Variants in CAMKMT observed in about 807,000 individuals in gnomAD.
CAMKMT encodes the protein CaM KMT.
Under a neutral mutation model 48.0 loss-of-function variants are expected in CAMKMT, and 53 were observed. The ratio of observed to expected loss-of-function variants is 1.10; its 90% CI spans 0.89 to 1.39. The LOEUF is 1.39. Among genes scored for constraint, CAMKMT ranks in the 40% most tolerant of loss-of-function variants. CAMKMT has a pLI of 0.00. For missense variants in CAMKMT, 428 were observed against 402.7 expected, an observed-to-expected ratio of 1.06 and a Z score of -0.54; for synonymous variants, 165 against 152.3, an observed-to-expected ratio of 1.08 and a Z score of -0.61.
chr2:44,426,791 A>T (rs556437327), intron 3 of CAMKMT, among the ~76,000 whole-genome samples: 26 of 152,338 alleles, frequency 1.7e-4, no homozygotes, highest in African/African-American at 6.3e-4. Flanking sequence ...TGAAATTACC[A>T]ATGTCACTTT....
At chr2:44,757,286 A>C (rs888995148) in intron 9 of CAMKMT, among the ~76,000 whole-genome samples, 1 of 152,202 alleles carries the variant, frequency 6.6e-6, no homozygotes, top group African/African-American at 2.4e-5. Context: ...TTATCCCCAA[A>C]GAGGGAAAAT....
intron 7 of CAMKMT, among the ~76,000 whole-genome samples, chr2:44,741,548 G>T (rs1679676912): frequency 6.6e-6 from 1 of 152,232 alleles, no homozygotes; most frequent in South Asian, 2.1e-4. Context: ...CTACTAAGGG[G>T]AGGAGCCAAG....
Position 44,490,092 on chromosome 2 carries a change from A to G in CAMKMT, c.376+99787A>G, listed in dbSNP as rs542476580. ...GCAACATCCAGTTATAGTATTATAT[A>G]TATTTTTAATGCAGACAGATGCAAA... On this transcript the variant is annotated intron_variant, in intron 3 of 10. Transcript: ENST00000378494. 8.7e-4 allele frequency among the ~76,000 whole-genome samples: 132 copies of G among 152,344 alleles called. 1 individual carries two copies. Among genetic ancestry groups the G allele is most frequent in the African/African-American group, 3.1e-3 (130 of 41,574 alleles).
intron 3 of CAMKMT, among the ~76,000 whole-genome samples, chr2:44,527,428 A>T (rs907487571): frequency 3.7e-4 from 21 of 56,246 alleles, no homozygotes; most frequent in African/African-American, 1.4e-3. Context: ...ATATATATAT[A>T]TATTTTTTTT....
chr2:44,558,034 TATTCATTCATTCATTCATTCATTC>T (rs60843994), intron 3 of CAMKMT, among the ~76,000 whole-genome samples: 2 of 143,888 alleles, frequency 1.4e-5, no homozygotes, highest in Admixed American at 6.8e-5. Context: ...TTTATTTATT[TATTCATTCATTCATTCATTCATTC>T]ATTCATTCAT....
intron 3 of CAMKMT, among the ~76,000 whole-genome samples, chr2:44,589,211 G>T (rs1241314296): frequency 2.1e-5 from 1 of 47,440 alleles, no homozygotes; most frequent in African/African-American, 8.6e-5. Flanking sequence ...CCCCTACTGG[G>T]AAGTGAGGAG....
intron 2 of CAMKMT, among the ~76,000 whole-genome samples, chr2:44,380,402 C>G (rs1680121823): frequency 6.6e-6 from 1 of 151,998 alleles, no homozygotes; most frequent in African/African-American, 2.4e-5. Flanking sequence ...AATGCTAAGA[C>G]TGAAGTTTTT....
intron 3 of CAMKMT, among the ~76,000 whole-genome samples, chr2:44,701,729 G>T (rs1417710258): frequency 6.6e-6 from 1 of 152,124 alleles, no homozygotes; most frequent in African/African-American, 2.4e-5. Context: ...CTGGTTAAAT[G>T]AATTCTGATT....
chr2:44,651,955 AT>A (rs1350201914), intron 3 of CAMKMT, among the ~76,000 whole-genome samples: 2 of 152,340 alleles, frequency 1.3e-5, no homozygotes, highest in East Asian at 3.9e-4. Flanking sequence ...CTATAGTGGG[AT>A]TATTCTAATG....
In CAMKMT at chr2:44,686,640, A is replaced by G. The variant is rs144277470; in HGVS notation, c.377-17643A>G. On this transcript the variant is annotated intron_variant, in intron 3 of 10. Coordinates refer to ENST00000378494, the MANE Select transcript of CAMKMT (RefSeq NM_024766.5). ...ACCATGTATATGGGCTTTGCCATGA[A>G]CACGTTTGAATAAGAAAGCCCTCAG... Among the ~76,000 whole-genome samples, 573 of 152,340 alleles carry G rather than the reference A, an allele frequency of 3.8e-3. 5 individuals carry two copies. Among genetic ancestry groups the G allele is most frequent in the East Asian group, 0.021 (111 of 5,186 alleles).
intron 3 of CAMKMT, among the ~76,000 whole-genome samples, chr2:44,556,203 A>G (rs1042125418): frequency 2.6e-5 from 4 of 152,030 alleles, no homozygotes; most frequent in South Asian, 2.1e-4. Context: ...CAGTGGCGCC[A>G]TCTCAGCTCA....
intron 3 of CAMKMT, among the ~76,000 whole-genome samples, chr2:44,585,776 A>G (rs1453612656): frequency 2.0e-5 from 3 of 152,264 alleles, no homozygotes; most frequent in Non-Finnish European, 4.4e-5. Context: ...CAGCTAGGCC[A>G]TAAATAAGAC....
intron 3 of CAMKMT, among the ~76,000 whole-genome samples, chr2:44,582,957 A>G (rs1054683160): frequency 1.3e-5 from 2 of 152,324 alleles, no homozygotes; most frequent in African/African-American, 4.8e-5. Flanking sequence ...TGAAATACAT[A>G]CTATCAGCAT....
chr2:44,563,334 T>C (rs920932273), intron 3 of CAMKMT, among the ~76,000 whole-genome samples: 2 of 151,752 alleles, frequency 1.3e-5, no homozygotes, highest in African/African-American at 4.8e-5. Context: ...ATTTTCAGTG[T>C]GATTAAATTT....
chr2:44,456,387 A>C (rs1558629800), intron 3 of CAMKMT, among the ~76,000 whole-genome samples: 1 of 152,174 alleles, frequency 6.6e-6, no homozygotes, highest in African/African-American at 2.4e-5. Context: ...GTGACATTTA[A>C]CTGTCTTTAT....
intron 3 of CAMKMT, among the ~76,000 whole-genome samples, chr2:44,670,420 A>G (rs1165991389): frequency 6.6e-6 from 1 of 152,134 alleles, no homozygotes; most frequent in East Asian, 1.9e-4. Flanking sequence ...CTCTAAAAAA[A>G]TCACTGGAGT....
chr2:44,481,096 A>G (rs1316369295), intron 3 of CAMKMT, among the ~76,000 whole-genome samples: 1 of 152,046 alleles, frequency 6.6e-6, no homozygotes, highest in Admixed American at 6.5e-5. Context: ...GTCACATATG[A>G]TTCCATTTCC....
chr2:44,505,698 G>C (rs1450792800), intron 3 of CAMKMT, among the ~76,000 whole-genome samples: 1 of 152,132 alleles, frequency 6.6e-6, no homozygotes, highest in African/African-American at 2.4e-5. Context: ...GGAGGAGTTT[G>C]TCTTGCTGTC....
intron 3 of CAMKMT, among the ~76,000 whole-genome samples, chr2:44,638,896 C>T (rs1355412945): frequency 2.0e-5 from 3 of 152,134 alleles, no homozygotes; most frequent in Non-Finnish European, 4.4e-5. Flanking sequence ...GGGGCAGAAC[C>T]GACACTTTTG....
Sources: allele counts gnomAD v4.1 joint callset (sites outside exome capture counted in the v4.1 genomes callset), GRCh38; gene constraint gnomAD v4.1.1; transcripts MANE v1.5; gene names NCBI Gene and HGNC (gene_info 2026-07-23, HGNC 2026-07-21).